RYR2: variants seen among roughly 807,000 people sequenced by gnomAD.
RYR2 encodes ryanodine receptor 2.
Under a neutral mutation model 601.1 loss-of-function variants are expected in RYR2, and 227 were observed. That is an observed-to-expected ratio of 0.38 (90% CI 0.34 to 0.42). RYR2 has a LOEUF of 0.42. Ranked by LOEUF, RYR2 falls within the 10% of genes least tolerant of loss-of-function variation. The pLI is 1.00. For missense variants in RYR2, 4,646 were observed against 6,156.5 expected (o/e 0.75, Z 8.21); for synonymous variants, 2,223 against 2,175.1 (o/e 1.02, Z -0.61).
intron 65 of RYR2, among the ~76,000 whole-genome samples, chr1:237,701,127 G>T (rs1346800953): frequency 1.3e-5 from 2 of 152,248 alleles, no homozygotes; most frequent in Non-Finnish European, 2.9e-5. Context: ...TCAGACTCGT[G>T]CATTGTCCAT....
intron 34 of RYR2, among the ~76,000 whole-genome samples, chr1:237,595,878 C>G (rs1192276668): frequency 6.6e-6 from 1 of 152,116 alleles, no homozygotes; most frequent in African/African-American, 2.4e-5. Context: ...CCCAACAAAG[C>G]TGCACAATCA....
At chr1:237,253,568 G>A (rs1687678996) in intron 1 of RYR2, among the ~76,000 whole-genome samples, 1 of 152,206 alleles carries the variant, frequency 6.6e-6, no homozygotes, top group South Asian at 2.1e-4. Flanking sequence ...TCATGTGCAA[G>A]CTAACCTTTG....
At chr1:237,617,618 T>C in intron 38 of RYR2, 132 bp downstream of exon 38, 1 of 826,856 alleles carries the variant, frequency 1.2e-6, no homozygotes, top group Non-Finnish European at 1.8e-6. Context: ...GTTGATTTAG[T>C]TAGTATTCTT....
intron 36 of RYR2, among the ~76,000 whole-genome samples, chr1:237,613,697 G>T (rs1678143464): frequency 6.6e-6 from 1 of 152,156 alleles, no homozygotes; most frequent in Non-Finnish European, 1.5e-5. Flanking sequence ...CACAGGTTGG[G>T]TGTCCCAAAT....
At chr1:237,223,796 C>T (rs1406085868) in intron 1 of RYR2, among the ~76,000 whole-genome samples, 1 of 152,092 alleles carries the variant, frequency 6.6e-6, no homozygotes, top group Non-Finnish European at 1.5e-5. Context: ...TAATTATTGA[C>T]ATGAAAAACA....
At chr1:237,782,013 G>A (rs1434382938) in intron 89 of RYR2, among the ~76,000 whole-genome samples, 1 of 152,074 alleles carries the variant, frequency 6.6e-6, no homozygotes, top group East Asian at 1.9e-4. Context: ...GTAAGCTGCT[G>A]CTTTGAAAAG....
chr1:237,322,918 G>A (rs942009533), intron 2 of RYR2, among the ~76,000 whole-genome samples: 1 of 150,814 alleles, frequency 6.6e-6, no homozygotes, highest in Admixed American at 6.6e-5. Flanking sequence ...AAAGTAATTC[G>A]TGGCTAGAGG....
chr1:237,811,557 A>G (rs1661254823), intron 100 of RYR2, among the ~76,000 whole-genome samples: 1 of 152,224 alleles, frequency 6.6e-6, no homozygotes, highest in African/African-American at 2.4e-5. Flanking sequence ...TTAAGAATAA[A>G]TAACTCTCAA....
intron 2 of RYR2, among the ~76,000 whole-genome samples, chr1:237,282,769 C>A (rs775185441): frequency 2.0e-5 from 3 of 152,018 alleles, no homozygotes; most frequent in Non-Finnish European, 2.9e-5. Context: ...GGGTAAAATA[C>A]GAATATAGCT....
rs141977604 is a variant in RYR2 at position 237,392,865 on chromosome 1, A to G, written c.773+4682A>G. 6.1e-3 allele frequency among the ~76,000 whole-genome samples: 930 copies of G among 152,328 alleles called. 12 individuals are homozygous for G. Among genetic ancestry groups the G allele is most frequent in the African/African-American group, 0.021 (862 of 41,572 alleles). ...TGTCGAAACTTTTTATTGATTCAATAAGAATGTGTAGAATGACTATGATTT... is the reference window on the plus strand; with the variant it reads ...TGTCGAAACTTTTTATTGATTCAATGAGAATGTGTAGAATGACTATGATTT... On this transcript the variant is annotated intron_variant, in intron 10 of 104. Transcript: ENST00000366574.
At chr1:237,177,147 T>C (rs1341700084) in intron 1 of RYR2, among the ~76,000 whole-genome samples, 1 of 152,220 alleles carries the variant, frequency 6.6e-6, no homozygotes, top group East Asian at 1.9e-4. Context: ...TGCTGCTCTC[T>C]TGCTGGCAAA....
intron 1 of RYR2, among the ~76,000 whole-genome samples, chr1:237,164,635 TG>T (rs1676445300): frequency 6.6e-6 from 1 of 152,196 alleles, no homozygotes; most frequent in South Asian, 2.1e-4. Flanking sequence ...TTAGGTGGGC[TG>T]GCCAGTGAGG....
intron 43 of RYR2, among the ~76,000 whole-genome samples, chr1:237,634,585 G>A (rs1483574895): frequency 3.9e-5 from 6 of 152,118 alleles, no homozygotes; most frequent in Admixed American, 1.3e-4. Context: ...CTTGAAAATC[G>A]CTGCCAGAGT....
chr1:237,668,940 G>A (rs1684571166), intron 58 of RYR2, among the ~76,000 whole-genome samples: 1 of 151,678 alleles, frequency 6.6e-6, no homozygotes, highest in African/African-American at 2.4e-5. Flanking sequence ...ATTTGGCAGG[G>A]TCATAGGACA....
intron 38 of RYR2, among the ~76,000 whole-genome samples, chr1:237,622,827 C>G (rs1021032563): frequency 2.0e-5 from 3 of 152,150 alleles, no homozygotes; most frequent in African/African-American, 7.2e-5. Flanking sequence ...ACTTGATTGT[C>G]TGTGGCTTTT....
At chr1:237,210,368 C>T (rs1682438853) in intron 1 of RYR2, among the ~76,000 whole-genome samples, 1 of 151,962 alleles carries the variant, frequency 6.6e-6, no homozygotes, top group Non-Finnish European at 1.5e-5. Flanking sequence ...ATAAAAAGAG[C>T]CTGTCTTTAA....
intron 12 of RYR2, among the ~76,000 whole-genome samples, chr1:237,436,281 G>A (rs1187821330): frequency 1.3e-5 from 2 of 148,434 alleles, no homozygotes; most frequent in African/African-American, 2.5e-5. Flanking sequence ...GGTATTGTAC[G>A]GGGTGTTAGA....
intron 1 of RYR2, among the ~76,000 whole-genome samples, chr1:237,157,684 T>C (rs992911873): frequency 5.3e-5 from 8 of 152,228 alleles, no homozygotes; most frequent in South Asian, 2.1e-4. Flanking sequence ...AACTTAGAAA[T>C]TGATCTCACG....
chr1:237,606,816 A>T (rs1442960208), intron 35 of RYR2, among the ~76,000 whole-genome samples: 1 of 152,248 alleles, frequency 6.6e-6, no homozygotes, highest in Non-Finnish European at 1.5e-5. Flanking sequence ...GCCAACAGAC[A>T]CGAAAAAATG....
Sources: allele counts gnomAD v4.1 joint callset (sites outside exome capture counted in the v4.1 genomes callset), GRCh38; gene constraint gnomAD v4.1.1; transcripts MANE v1.5; gene names NCBI Gene and HGNC (gene_info 2026-07-23, HGNC 2026-07-21).